BTN3A3: variants seen among roughly 807,000 people sequenced by gnomAD.
BTN3A3 encodes the protein butyrophilin subfamily 3 member A3.
In BTN3A3, 39 loss-of-function variants were observed where a neutral mutation model predicts 43.2. That is an observed-to-expected ratio of 0.90 (90% CI 0.70 to 1.18). BTN3A3 has a LOEUF of 1.18. Among genes scored for constraint, BTN3A3 ranks in the 50% most tolerant of loss-of-function variants. The pLI is 0.00. For missense variants in BTN3A3, 631 were observed against 722.8 expected (o/e 0.87, Z 1.46); for synonymous variants, 255 against 272.7 (o/e 0.93, Z 0.64).
rs541415098 is a variant in BTN3A3 at position 26,445,870 on chromosome 6, C to T, written c.600C>T (p.Gly200=). The change falls in exon 5 of 11, where the codon GGC becomes GGT. Residue 200 remains glycine (G), a synonymous_variant. Transcript: ENST00000244519. ...VEAPVVADGV[G]LYAVAASVIM... is the part of the protein sequence containing the mutation. ...CACCTGTGGTTGCAGATGGAGTGGGCCTGTATGCAGTAGCAGCATCTGTGA... is the reference window on the plus strand; with the variant it reads ...CACCTGTGGTTGCAGATGGAGTGGGTCTGTATGCAGTAGCAGCATCTGTGA... 63 of 1,614,170 alleles carry T rather than the reference C, an allele frequency of 3.9e-5. No homozygotes were observed. The Admixed American group carries it at 1.0e-3, about 26-fold the overall frequency.
intron 5 of BTN3A3, among the ~76,000 whole-genome samples, 174 bp from the exon 6 acceptor site, chr6:26,448,074 G>T (rs1762828320): frequency 6.6e-6 from 1 of 152,158 alleles, no homozygotes; most frequent in African/African-American, 2.4e-5. Flanking sequence ...TGTAGTGAGG[G>T]TTTACCAAAG....
rs748770253 is a variant in BTN3A3 at position 26,448,324 on chromosome 6, A to C, written c.792A>C (p.Ala264=). The C allele has an allele frequency of 1.2e-6, 2 of 1,613,620 alleles. No homozygotes were observed. Among genetic ancestry groups the C allele is most frequent in the African/African-American group, 1.3e-5 (1 of 74,710 alleles). The change falls in exon 6 of 11, where the codon GCA becomes GCC. Residue 264 remains alanine, a synonymous_variant. Transcript: ENST00000244519. ...GTLPISLLLL[A]GASYFLWRQQ... ...TGCCTATCTCGTTGCTGCTTCTCGC[A>C]GGAGCCAGTTACTTCTTGTGGAGAC...
Position 26,452,468 on chromosome 6 carries a change from C to T in BTN3A3, c.*57C>T. 7.0e-7 allele frequency: 1 copy of T among 1,421,954 alleles called. No individual in the cohort carries two copies. Among genetic ancestry groups the T allele is most frequent in the Non-Finnish European group, 9.3e-7 (1 of 1,069,794 alleles). 88.1% of individuals were successfully genotyped at this position (1,421,954 alleles called of 1,614,324 possible). A position where few individuals can be genotyped will look rare whatever the true frequency, so the allele number is the denominator to read the frequency against. On this transcript the variant is annotated 3_prime_UTR_variant, in exon 11 of 11. Transcript: ENST00000244519. ...TTTGAGTTTCGTACCACCTTATTGT[C>T]CCCTTATACAGATAAGGAAACTGGG... is the stretch of plus-strand genomic sequence containing the variant.
chr6:26,451,386 A>T (rs1251008172), intron 10 of BTN3A3, among the ~76,000 whole-genome samples: 1 of 152,164 alleles, frequency 6.6e-6, no homozygotes, highest in East Asian at 1.9e-4. Flanking sequence ...GGCAGAGTCA[A>T]TGTGGGGAGG....
rs757820887 is a variant in BTN3A3 at position 26,445,920 on chromosome 6, G to A, written c.650G>A (p.Gly217Asp). 4 of 1,614,184 alleles carry A rather than the reference G, an allele frequency of 2.5e-6. No individual in the cohort carries two copies. Among genetic ancestry groups the A allele is most frequent in the Admixed American group, 1.7e-5 (1 of 60,026 alleles). ...ATCATGAGAGGCAGCTCTGGTGGGG[G>A]TGTATCCTGCATCATCAGAAATTCC... is the stretch of plus-strand genomic sequence containing the variant. ...SVIMRGSSGGGVSCIIRNSLL... is the reference protein window; with the variant it reads ...SVIMRGSSGGDVSCIIRNSLL... The change falls in exon 5 of 11, where the codon GGT becomes GAT. Residue 217 changes from glycine (G) to aspartate (D), a missense_variant. Gly to Asp is a moderately conservative substitution (Grantham distance 94). Coordinates refer to ENST00000244519, the MANE Select transcript of BTN3A3 (RefSeq NM_006994.5).
chr6:26,442,344 T>G (rs1170173448), intron 1 of BTN3A3, among the ~76,000 whole-genome samples: 2 of 152,232 alleles, frequency 1.3e-5, no homozygotes, highest in Non-Finnish European at 2.9e-5. Flanking sequence ...CATTTCAATA[T>G]TTTAAAAGTA....
intron 8 of BTN3A3, 37 bp from the exon 9 acceptor site, chr6:26,449,625 G>C: frequency 6.2e-7 from 1 of 1,613,480 alleles, no homozygotes; most frequent in Non-Finnish European, 8.5e-7. Flanking sequence ...AGCAAAGGCA[G>C]TGTTCAGGTG....
intron 4 of BTN3A3, 47 bp downstream of exon 4, chr6:26,444,351 G>A (rs558450511): frequency 1.2e-6 from 2 of 1,611,894 alleles, no homozygotes; most frequent in Non-Finnish European, 1.7e-6. Context: ...GTAGGATCTA[G>A]AGCAGATGCA....
At position 26,451,534 on chromosome 6, in the gene BTN3A3, TGAGA is replaced by T. The variant is rs374540956; in HGVS notation, c.1019-137_1019-134del. ...CTTGAGCTTTCTCCCATGACATTGA[TGAGA>T]GAGTCATATTTAGAGCAGGCTAGGG... On this transcript the variant is annotated intron_variant, in intron 10 of 10. Coordinates refer to ENST00000244519, the MANE Select transcript of BTN3A3 (RefSeq NM_006994.5). 5.5e-6 allele frequency: 8 copies of T among 1,446,406 alleles called. No homozygotes were observed. In the African/African-American group the frequency reaches 7.2e-5, roughly 13 times the overall value. The allele number at this position is 1,446,406 out of a possible 1,614,324, so 89.6% of individuals were successfully genotyped here. A position where few individuals can be genotyped will look rare whatever the true frequency, so the allele number is the denominator to read the frequency against.
At position 26,449,705 on chromosome 6, in the gene BTN3A3, C is replaced by T; in HGVS notation, c.991+17C>T. ...CCTATCATGGTGAGTGAGCCTGATG[C>T]TCTCTGGGTTTGCTGGGTCATGTAC... On this transcript the variant is annotated intron_variant, in intron 9 of 10. Coordinates refer to ENST00000244519, the MANE Select transcript of BTN3A3 (RefSeq NM_006994.5). The T allele has an allele frequency of 6.2e-7, 1 of 1,614,026 alleles. No individual in the cohort carries two copies. Among genetic ancestry groups the T allele is most frequent in the Non-Finnish European group, 8.5e-7 (1 of 1,179,858 alleles).
chr6:26,451,770 C>T lies in BTN3A3; in HGVS notation c.1114C>T (p.Pro372Ser). 6.2e-7 allele frequency: 1 copy of T among 1,614,024 alleles called. No homozygotes were observed. The highest frequency in any genetic ancestry group is 8.5e-7 in the Non-Finnish European group (1 of 1,179,926). The change falls in exon 11 of 11, where the codon CCA becomes TCA. Residue 372 changes from proline (P) to serine (S), a missense_variant. By Grantham distance (74) the Pro-to-Ser change is moderately conservative. This residue lies in a region of BTN3A3 where 551 missense variants were observed against 584.0 expected (regional missense o/e 0.94). Transcript: ENST00000244519. ...VQRAEEPRDL[P>S]DNPERFEWRY... Reference sequence around the variant, plus strand: ...GCGTGCTGAAGAGCCGCGGGATCTGCCAGACAACCCTGAGAGATTTGAATG... The same window carrying T: ...GCGTGCTGAAGAGCCGCGGGATCTGTCAGACAACCCTGAGAGATTTGAATG...
At position 26,451,664 on chromosome 6, in the gene BTN3A3, ACT is replaced by A; in HGVS notation, c.1019-6_1019-5del. The A allele has an allele frequency of 1.1e-5, 17 of 1,602,786 alleles. No homozygotes were observed. The highest frequency in any genetic ancestry group is 1.4e-5 in the Non-Finnish European group (17 of 1,173,764). On this transcript the variant is annotated splice_polypyrimidine_tract_variant and intron_variant, in intron 10 of 10. Coordinates refer to ENST00000244519, the MANE Select transcript of BTN3A3 (RefSeq NM_006994.5). ...GCTGACCCCATGGACACCTCCTCAA[ACT>A]CTCTGCAGCGGATGTGATTCTGGAT...
chr6:26,446,087 G>T, intron 5 of BTN3A3, 102 bp downstream of exon 5: 1 of 1,547,994 alleles, frequency 6.5e-7, no homozygotes, highest in Non-Finnish European at 8.8e-7. Flanking sequence ...GGTCAACCTG[G>T]GTCTCTACAA....
At position 26,448,699 on chromosome 6, in the gene BTN3A3, A is replaced by G. The variant is rs201634492; in HGVS notation, c.938-29A>G. On this transcript the variant is annotated intron_variant, in intron 7 of 10. Transcript: ENST00000244519. The stretch of plus-strand genomic sequence containing the variant: ...TCTTATCCCCACTTTGAGCACCTTG[A>G]TAACCCTTCCCTATTCATTCCATTG... 151 of 1,613,940 alleles carry G rather than the reference A, an allele frequency of 9.4e-5. No individual in the cohort carries two copies. The Middle Eastern group carries it at 9.9e-4, about 11-fold the overall frequency.
chr6:26,452,663 G>A lies in BTN3A3; in HGVS notation c.*252G>A. 1 of 425,240 alleles carries A rather than the reference G, an allele frequency of 2.4e-6. No homozygotes were observed. The highest frequency in any genetic ancestry group is 4.2e-6 in the Non-Finnish European group (1 of 239,920). 26.3% of individuals were successfully genotyped at this position (425,240 alleles called of 1,614,324 possible). ...AATCCTCACAACACCCTGTCGGGTA[G>A]TCATATTTTGCAAGTATGGAAGCTG... On this transcript the variant is annotated 3_prime_UTR_variant, in exon 11 of 11. Transcript: ENST00000244519.
At chr6:26,448,505 T>C (rs779289688) in intron 6 of BTN3A3, 57 bp downstream of exon 6, 9 of 1,608,100 alleles carry the variant, frequency 5.6e-6, no homozygotes, top group Admixed American at 3.4e-5. Context: ...AGCCTGAAGA[T>C]CTCACCCCCA....
intron 4 of BTN3A3, chr6:26,445,402 T>C (rs1159503254): frequency 1.1e-5 from 4 of 347,926 alleles, no homozygotes; most frequent in African/African-American, 4.1e-5. Context: ...TGCATTGCCT[T>C]GCTGAAGGTC....
chr6:26,444,429 C>A, intron 4 of BTN3A3, 125 bp downstream of exon 4: 2 of 1,456,508 alleles, frequency 1.4e-6, no homozygotes, highest in East Asian at 2.3e-5. Context: ...CACTGCCTCC[C>A]AACTTAGCTT....
intron 4 of BTN3A3, 159 bp downstream of exon 4, chr6:26,444,463 C>T: frequency 4.3e-6 from 5 of 1,168,474 alleles, no homozygotes; most frequent in South Asian, 3.1e-5. Context: ...AAGAAAGACA[C>T]ATTCTTTCTT....
Sources: allele counts gnomAD v4.1 joint callset (sites outside exome capture counted in the v4.1 genomes callset), GRCh38; gene constraint gnomAD v4.1.1; regional missense constraint gnomAD v4.1.1; transcripts MANE v1.5; gene names NCBI Gene and HGNC (gene_info 2026-07-23, HGNC 2026-07-21).